DIXDC1: variants seen among roughly 807,000 people sequenced by gnomAD.
DIXDC1 encodes dixin.
DIXDC1 carries 64 observed loss-of-function variants against 103.1 expected under a neutral mutation model. That is an observed-to-expected ratio of 0.62 (90% CI 0.51 to 0.76). The LOEUF is 0.76. Ranked by LOEUF, DIXDC1 falls within the 30% of genes least tolerant of loss-of-function variation. The probability of loss-of-function intolerance (pLI) is 0.00; values close to 1 mark genes in which losing one functional copy is unlikely to be tolerated. For synonymous variants in DIXDC1, 266 were observed against 298.5 expected, an observed-to-expected ratio of 0.89 and a Z score of 1.12; for missense variants, 759 against 834.2, an observed-to-expected ratio of 0.91 and a Z score of 1.11.
chr11:111,988,911 C>A, intron 9 of DIXDC1, 94 bp from the exon 10 acceptor site: 1 of 1,079,488 alleles, frequency 9.3e-7, no homozygotes, highest in Non-Finnish European at 1.4e-6. Flanking sequence ...ACGGAATGAT[C>A]AACTGGGTTT....
At chr11:111,929,763 A>AT in intron 1 of DIXDC1, 17 of 1,200,130 alleles carry the variant, frequency 1.4e-5, no homozygotes, top group African/African-American at 5.0e-5. Context: ...TTGAGCTTTA[A>AT]ATTTTTTTTT....
At chr11:111,932,554 C>G (rs1592530694), upstream of DIXDC1, among the ~76,000 whole-genome samples, 2 of 150,370 alleles carry the variant, frequency 1.3e-5, no homozygotes, top group Middle Eastern at 6.8e-3. Flanking sequence ...CCACTGCACT[C>G]CAGCTTGGGC....
chr11:111,960,631 A>C (rs978297009), intron 1 of DIXDC1, among the ~76,000 whole-genome samples: 1 of 151,874 alleles, frequency 6.6e-6, no homozygotes, highest in Non-Finnish European at 1.5e-5. Context: ...GAAAAACAGT[A>C]ATACTTTTAA....
intron 3 of DIXDC1, among the ~76,000 whole-genome samples, chr11:111,970,094 C>A (rs1859864279): frequency 6.6e-6 from 1 of 152,146 alleles, no homozygotes; most frequent in African/African-American, 2.4e-5. Flanking sequence ...TTTGCTTTGT[C>A]ACCCAGACTG....
At chr11:111,943,200 G>C (rs1966474426) in intron 1 of DIXDC1, among the ~76,000 whole-genome samples, 1 of 152,040 alleles carries the variant, frequency 6.6e-6, no homozygotes, top group African/African-American at 2.4e-5. Flanking sequence ...GCAGTGATGT[G>C]ATCTCAGCTC....
chr11:112,000,469 T>C (rs1314132381), intron 17 of DIXDC1, among the ~76,000 whole-genome samples: 1 of 151,944 alleles, frequency 6.6e-6, no homozygotes, highest in African/African-American at 2.4e-5. Context: ...GAGGCTGAGG[T>C]GGGCAGATCA....
chr11:112,003,402 G>T (rs1038427403), intron 17 of DIXDC1, among the ~76,000 whole-genome samples: 2 of 151,926 alleles, frequency 1.3e-5, no homozygotes, highest in Non-Finnish European at 2.9e-5. Flanking sequence ...AGCTGAGATC[G>T]CACCACTGCA....
intron 7 of DIXDC1, among the ~76,000 whole-genome samples, chr11:111,982,807 T>C (rs587598864): frequency 1.3e-5 from 2 of 152,358 alleles, no homozygotes; most frequent in East Asian, 3.9e-4. Context: ...GACCTGCAAT[T>C]GCAGCTTTCA....
chr11:111,989,999 C>T (rs1207878125), intron 10 of DIXDC1, among the ~76,000 whole-genome samples: 2 of 151,098 alleles, frequency 1.3e-5, no homozygotes, highest in Non-Finnish European at 2.9e-5. Flanking sequence ...ACCGTGTTAG[C>T]CAGGATGGTC....
chr11:111,979,006 A>G (rs1209713955), intron 5 of DIXDC1, among the ~76,000 whole-genome samples: 1 of 152,226 alleles, frequency 6.6e-6, no homozygotes, highest in Non-Finnish European at 1.5e-5. Context: ...AGTTCTAGAA[A>G]GCAATTGCTA....
intron 17 of DIXDC1, among the ~76,000 whole-genome samples, chr11:111,997,417 C>A (rs1555175496): frequency 6.6e-6 from 1 of 151,948 alleles, no homozygotes; most frequent in African/African-American, 2.4e-5. Context: ...TTCACTGCAA[C>A]CTCTGTCTCC....
rs782533275 is a variant in DIXDC1 at position 112,019,984 on chromosome 11, T to G, written c.*948T>G. ...GCATTTCTTTGTGATTTATAAGTAC[T>G]GAGCATGAAGTACTTGTCTGCCCCT... is the stretch of plus-strand genomic sequence containing the variant. On this transcript the variant is annotated 3_prime_UTR_variant, in exon 20 of 20. Transcript: ENST00000440460. The G allele has an allele frequency of 1.3e-5, 2 of 152,242 alleles. No homozygotes were observed. Among genetic ancestry groups the G allele is most frequent in the Admixed American group, 6.5e-5 (1 of 15,290 alleles). 9.4% of individuals were successfully genotyped at this position (152,242 alleles called of 1,614,324 possible). A position where few individuals can be genotyped will look rare whatever the true frequency, so the allele number is the denominator to read the frequency against.
chr11:111,980,877 G>C, intron 6 of DIXDC1, 28 bp downstream of exon 6: 1 of 1,589,116 alleles, frequency 6.3e-7, no homozygotes, highest in Non-Finnish European at 8.6e-7. Flanking sequence ...GCCTGGGCTG[G>C]TTCAAGGAAC....
intron 1 of DIXDC1, among the ~76,000 whole-genome samples, chr11:111,954,943 A>G (rs1966877856): frequency 2.0e-5 from 3 of 152,176 alleles, no homozygotes; most frequent in Admixed American, 2.0e-4. Flanking sequence ...GTATATATAT[A>G]CATTCCATAC....
intron 1 of DIXDC1, among the ~76,000 whole-genome samples, chr11:111,951,861 C>A (rs2137473884): frequency 8.9e-6 from 1 of 112,904 alleles, no homozygotes; most frequent in African/African-American, 3.5e-5. Flanking sequence ...ACTATAAGTC[C>A]ATTAAAACTT....
chr11:111,976,046 A>G lies in DIXDC1; in HGVS notation c.656+1063A>G. 2.2e-6 allele frequency: 1 copy of G among 450,842 alleles called. No homozygotes were observed. The highest frequency in any genetic ancestry group is 2.9e-6 in the Non-Finnish European group (1 of 341,548). The allele number at this position is 450,842 out of a possible 1,614,324, so 27.9% of individuals were successfully genotyped here. On this transcript the variant is annotated intron_variant, in intron 5 of 19. Transcript: ENST00000440460. This position sits in a 1 kb window ranked among gnomAD's most constrained non-coding sequence, Gnocchi z 4.3. ...ATAATGTGGTGCGACCATCACCTCT[A>G]TCCACTCAGAAGACATCTTCATCAC...
intron 5 of DIXDC1, chr11:111,975,655 T>A: frequency 1.0e-6 from 1 of 985,728 alleles, no homozygotes; most frequent in Non-Finnish European, 1.2e-6. Flanking sequence ...ATCATGTTTT[T>A]ACTAACTTCA....
intron 1 of DIXDC1, among the ~76,000 whole-genome samples, chr11:111,927,989 C>CT (rs1232595602): frequency 7.4e-6 from 1 of 134,580 alleles, no homozygotes; most frequent in Non-Finnish European, 1.5e-5. Flanking sequence ...GCACTCCAGC[C>CT]TGGGGGACAC....
intron 3 of DIXDC1, among the ~76,000 whole-genome samples, chr11:111,972,341 G>T (rs587661635): frequency 1.3e-4 from 20 of 152,256 alleles, no homozygotes; most frequent in African/African-American, 4.8e-4. Flanking sequence ...TGTGGAGTGG[G>T]CTTGGGGATC....
Sources: allele counts gnomAD v4.1 joint callset (sites outside exome capture counted in the v4.1 genomes callset), GRCh38; gene constraint gnomAD v4.1.1; non-coding constraint Gnocchi (gnomAD v3.1); transcripts MANE v1.5; gene names NCBI Gene and HGNC (gene_info 2026-07-23, HGNC 2026-07-21).